Variants in SNAP47 observed in about 807,000 individuals in gnomAD.
SNAP47 encodes the protein synaptosome associated protein 47.
SNAP47 carries 20 observed loss-of-function variants against 31.4 expected under a neutral mutation model. That is an observed-to-expected ratio of 0.64 (90% CI 0.45 to 0.93). The LOEUF is 0.93. Among genes scored for constraint, SNAP47 ranks in the 40% least tolerant of loss-of-function variants. SNAP47 has a pLI of 0.00. For missense variants in SNAP47, 492 were observed against 528.5 expected, an observed-to-expected ratio of 0.93 and a Z score of 0.68; for synonymous variants, 194 against 213.4, an observed-to-expected ratio of 0.91 and a Z score of 0.79.
chr1:227,770,372 A>G (rs980304548), intron 4 of SNAP47, among the ~76,000 whole-genome samples: 2 of 152,084 alleles, frequency 1.3e-5, no homozygotes, highest in African/African-American at 4.8e-5. Flanking sequence ...GCTTCTGGGC[A>G]TGTGGGGAGC....
At chr1:227,768,208 G>T (rs1663561813) in intron 4 of SNAP47, 1 of 900,616 alleles carries the variant, frequency 1.1e-6, no homozygotes, top group Admixed American at 6.2e-5. Flanking sequence ...TGGCGCACAT[G>T]CAGTCTCCAG....
chr1:227,748,690 A>G (rs1348537375), intron 2 of SNAP47, among the ~76,000 whole-genome samples: 7 of 150,814 alleles, frequency 4.6e-5, no homozygotes, highest in Admixed American at 4.6e-4. Flanking sequence ...TCCTGTCAGC[A>G]TCTGTGGCTC....
chr1:227,732,226 G>A (rs1005780158), upstream of SNAP47: 4 of 750,272 alleles, frequency 5.3e-6, no homozygotes, highest in African/African-American at 3.5e-5. Context: ...ACCTCATTGG[G>A]CCTCACCTGA....
In SNAP47 at chr1:227,781,148, G is replaced by T. The variant is rs1187892037; in HGVS notation, c.*475G>T. The T allele has an allele frequency of 6.5e-6, 1 of 154,800 alleles. No individual in the cohort carries two copies. Among genetic ancestry groups the T allele is most frequent in the African/African-American group, 2.4e-5 (1 of 41,506 alleles). 9.6% of individuals were successfully genotyped at this position (154,800 alleles called of 1,614,324 possible). ...AGCCAAAAGTGAAATTAGCATGACT[G>T]CATCTTTCAAACAAAAATATTGATT... On this transcript the variant is annotated 3_prime_UTR_variant, in exon 5 of 5. Transcript: ENST00000617596.
chr1:227,777,224 AC>A (rs1664215062), intron 4 of SNAP47: 1 of 471,664 alleles, frequency 2.1e-6, no homozygotes, highest in African/African-American at 2.1e-5. Flanking sequence ...AGTTTTCCAT[AC>A]ATGAAACATA....
intron 1 of SNAP47, chr1:227,744,114 C>A (rs1304014382): frequency 6.6e-6 from 1 of 151,588 alleles, no homozygotes; most frequent in Admixed American, 6.6e-5. Flanking sequence ...GTGGTTGGTG[C>A]TGTGTTGCTT....
chr1:227,767,896 T>C (rs1020560160), intron 4 of SNAP47, among the ~76,000 whole-genome samples: 7 of 152,250 alleles, frequency 4.6e-5, no homozygotes, highest in African/African-American at 1.7e-4. Context: ...TTAAGGAGGC[T>C]CAGCACTTTG....
At chr1:227,765,865 G>A (rs943359887) in intron 3 of SNAP47, among the ~76,000 whole-genome samples, 2 of 152,146 alleles carry the variant, frequency 1.3e-5, no homozygotes, top group African/African-American at 4.8e-5. Flanking sequence ...CAGGGAGGGT[G>A]AGCTTGTCAG....
intron 4 of SNAP47, among the ~76,000 whole-genome samples, chr1:227,771,228 G>T (rs922446511): frequency 1.3e-5 from 2 of 152,194 alleles, no homozygotes; most frequent in Non-Finnish European, 2.9e-5. Context: ...CAATATTTTG[G>T]GGGGCTGTGA....
intron 2 of SNAP47, among the ~76,000 whole-genome samples, chr1:227,757,993 T>C (rs1662798825): frequency 6.6e-6 from 1 of 152,068 alleles, no homozygotes; most frequent in South Asian, 2.1e-4. Context: ...CTGGGCAGCA[T>C]GGGGAAAGAA....
chr1:227,738,773 C>T (rs1345243761), intron 1 of SNAP47, among the ~76,000 whole-genome samples: 3 of 152,110 alleles, frequency 2.0e-5, no homozygotes, highest in African/African-American at 7.2e-5. Flanking sequence ...AATATGGTTC[C>T]GAGTTTGCCT....
chr1:227,737,043 C>T lies in SNAP47; in HGVS notation c.-46+1544C>T, dbSNP rs181842866. ...CTTCCATGCCTGGAAATGTTAAAGG[C>T]CCTGGATTGGGTTGAAGCCTGGTGG... On this transcript the variant is annotated intron_variant, in intron 1 of 4. Coordinates refer to ENST00000617596, the MANE Select transcript of SNAP47 (RefSeq NM_053052.4). Among the ~76,000 whole-genome samples the T allele has an allele frequency of 4.4e-3, 672 of 152,280 alleles. 4 individuals carry two copies. Among genetic ancestry groups the T allele is most frequent in the African/African-American group, 0.016 (649 of 41,558 alleles).
Position 227,781,056 on chromosome 1 carries a change from T to TA in SNAP47, c.*383_*384insA. 2 of 193,336 alleles carry TA rather than the reference T, an allele frequency of 1.0e-5. No individual in the cohort carries two copies. The highest frequency in any genetic ancestry group is 5.6e-5 in the Admixed American group (1 of 17,846). 12.0% of individuals were successfully genotyped at this position (193,336 alleles called of 1,614,324 possible). On this transcript the variant is annotated 3_prime_UTR_variant, in exon 5 of 5. Coordinates refer to ENST00000617596, the MANE Select transcript of SNAP47 (RefSeq NM_053052.4). ...TTTGTGAGTGAAGTTAGAGCCCAGC[T>TA]CACTTAGCCAGCTCACTTTGAGGGC...
intron 1 of SNAP47, among the ~76,000 whole-genome samples, chr1:227,740,523 C>G (rs1661520937): frequency 6.6e-6 from 1 of 152,058 alleles, no homozygotes; most frequent in Non-Finnish European, 1.5e-5. Flanking sequence ...TAGATTGTTT[C>G]CTGGAGATTG....
chr1:227,778,210 C>A (rs1364033913), intron 4 of SNAP47, among the ~76,000 whole-genome samples: 1 of 152,212 alleles, frequency 6.6e-6, no homozygotes, highest in African/African-American at 2.4e-5. Context: ...TCCTTAACTT[C>A]TCTCATGTTT....
chr1:227,735,213 G>A (rs1198421326), upstream of SNAP47: 2 of 1,588,714 alleles, frequency 1.3e-6, no homozygotes, highest in African/African-American at 1.3e-5. Flanking sequence ...CCGACGCCGG[G>A]GACATCGACC....
intron 2 of SNAP47, among the ~76,000 whole-genome samples, chr1:227,753,241 T>C (rs1473857346): frequency 1.3e-5 from 2 of 152,246 alleles, no homozygotes; most frequent in Non-Finnish European, 2.9e-5. Context: ...ATACTGGTTT[T>C]ATTTCCTTTG....
chr1:227,732,456 G>A, upstream of SNAP47: 5 of 1,613,312 alleles, frequency 3.1e-6, no homozygotes, highest in Non-Finnish European at 4.2e-6. Flanking sequence ...GGGCTGTGGT[G>A]AGAACGCGCT....
At chr1:227,771,895 C>T (rs1434267129) in intron 4 of SNAP47, among the ~76,000 whole-genome samples, 1 of 152,164 alleles carries the variant, frequency 6.6e-6, no homozygotes, top group Admixed American at 6.5e-5. Flanking sequence ...GTGCAAAGGG[C>T]CTGGCAGGAG....
Sources: allele counts gnomAD v4.1 joint callset (sites outside exome capture counted in the v4.1 genomes callset), GRCh38; gene constraint gnomAD v4.1.1; transcripts MANE v1.5; gene names NCBI Gene and HGNC (gene_info 2026-07-23, HGNC 2026-07-21).